The following RAP1GAP2 variants were observed in gnomAD, a reference collection of about 807,000 sequenced individuals.
RAP1GAP2 encodes RAP1 GTPase activating protein 2.
A neutral mutation model predicts 95.0 loss-of-function variants in RAP1GAP2; 27 were observed. The observed-to-expected ratio is 0.28, with a 90% CI of 0.21 to 0.39. The LOEUF (loss-of-function observed/expected upper bound fraction) is 0.39. Among genes scored for constraint, RAP1GAP2 ranks in the 10% least tolerant of loss-of-function variants. The pLI, the probability that RAP1GAP2 is intolerant of heterozygous loss-of-function variation, is 1.00. For missense variants in RAP1GAP2, 771 were observed against 970.0 expected (o/e 0.79, Z 2.72); for synonymous variants, 373 against 380.9 (o/e 0.98, Z 0.24).
intron 2 of RAP1GAP2, among the ~76,000 whole-genome samples, chr17:2,810,513 C>T (rs1289705540): frequency 1.3e-4 from 19 of 147,522 alleles, no homozygotes; most frequent in African/African-American, 4.5e-4. Context: ...CCTCCCCTGT[C>T]CCCCCACCCT....
At chr17:2,861,435 C>T (rs1405770300) in intron 2 of RAP1GAP2, among the ~76,000 whole-genome samples, 1 of 150,750 alleles carries the variant, frequency 6.6e-6, no homozygotes, top group Non-Finnish European at 1.5e-5. Flanking sequence ...GGCCTCCTGG[C>T]TCCCCTAAGT....
intron 2 of RAP1GAP2, among the ~76,000 whole-genome samples, chr17:2,812,007 G>A (rs984648118): frequency 2.0e-5 from 3 of 152,184 alleles, no homozygotes; most frequent in African/African-American, 2.4e-5. Flanking sequence ...GAGTCACTGC[G>A]CCTGGCCGGA....
intron 1 of RAP1GAP2, among the ~76,000 whole-genome samples, chr17:2,767,359 TAA>T (rs397857982): frequency 0.1 from 5,524 of 53,304 alleles, 159 homozygotes; most frequent in Admixed American, 0.13. Flanking sequence ...GAGACTCTGT[TAA>T]AAAAAAAAAA....
intron 8 of RAP1GAP2, among the ~76,000 whole-genome samples, chr17:2,970,285 A>AT (rs1184095859): frequency 1.6e-4 from 24 of 148,526 alleles, no homozygotes; most frequent in African/African-American, 6.1e-4. Flanking sequence ...AAAAAAAAAA[A>AT]AAAAAAAAAA....
At chr17:2,995,499 G>A (rs2045918655) in intron 13 of RAP1GAP2, 33 bp downstream of exon 13, 8 of 1,611,756 alleles carry the variant, frequency 5.0e-6, no homozygotes, top group Non-Finnish European at 6.8e-6. Flanking sequence ...TGGGAGCCCA[G>A]GGCGGGCGAG....
intron 1 of RAP1GAP2, among the ~76,000 whole-genome samples, chr17:2,758,550 G>T (rs2071190843): frequency 6.6e-6 from 1 of 152,098 alleles, no homozygotes; most frequent in Non-Finnish European, 1.5e-5. Context: ...TTCTGAGAAG[G>T]TCCTGAAGAT....
At position 2,867,644 on chromosome 17, in the gene RAP1GAP2, A is replaced by G. The variant is rs75876704; in HGVS notation, c.81-37640A>G. Among the ~76,000 whole-genome samples the G allele has an allele frequency of 0.12, 18,190 of 152,152 alleles. 1,928 individuals are homozygous for G. The highest frequency in any genetic ancestry group is 0.58 in the East Asian group (2,972 of 5,164). On this transcript the variant is annotated intron_variant, in intron 2 of 24. Coordinates refer to ENST00000254695, the MANE Select transcript of RAP1GAP2 (RefSeq NM_015085.5). This position sits in a 1 kb window ranked among gnomAD's most constrained non-coding sequence, Gnocchi z 4.5. ...TTCATGAAGTCTAGGTCTTACGCCCACCGCTGGTTCCCGGGATGCAGGGAC... is the reference window on the plus strand; with the variant it reads ...TTCATGAAGTCTAGGTCTTACGCCCGCCGCTGGTTCCCGGGATGCAGGGAC...
intron 2 of RAP1GAP2, among the ~76,000 whole-genome samples, chr17:2,821,394 G>C (rs1357793410): frequency 5.5e-5 from 2 of 36,092 alleles, no homozygotes; most frequent in African/African-American, 2.0e-4. Context: ...TTTTTTTTTT[G>C]AGACGGAGTC....
chr17:2,905,748 C>G (rs998372329), intron 3 of RAP1GAP2, among the ~76,000 whole-genome samples: 4 of 152,222 alleles, frequency 2.6e-5, no homozygotes, highest in African/African-American at 9.6e-5. Context: ...GCATGCTGGT[C>G]TGCCGGCCTC....
At position 2,902,711 on chromosome 17, in the gene RAP1GAP2, T is replaced by C. The variant is rs1302295364; in HGVS notation, c.81-2573T>C. Among the ~76,000 whole-genome samples, 2 of 152,138 alleles carry C rather than the reference T, an allele frequency of 1.3e-5. No homozygotes were observed. The highest frequency in any genetic ancestry group is 2.9e-5 in the Non-Finnish European group (2 of 68,020). The stretch of plus-strand genomic sequence containing the variant: ...GTCAGAAGCTGCCATGTGCTCCGAC[T>C]TGAGAGTCTGCCTCGCTTCCTAGAG... On this transcript the variant is annotated intron_variant, in intron 2 of 24. Transcript: ENST00000254695. This position sits in a 1 kb window ranked among gnomAD's most constrained non-coding sequence, Gnocchi z 4.1.
intron 3 of RAP1GAP2, among the ~76,000 whole-genome samples, chr17:2,946,252 T>C (rs28501541): frequency 0.051 from 7,752 of 152,262 alleles, 421 homozygotes; most frequent in African/African-American, 0.14. Flanking sequence ...TTTCTGTGGT[T>C]CCTTTGTGTC....
intron 2 of RAP1GAP2, among the ~76,000 whole-genome samples, chr17:2,876,886 C>CTTT (rs34517318): frequency 2.5e-4 from 32 of 127,510 alleles, no homozygotes; most frequent in African/African-American, 8.1e-4. Context: ...GGTTTACGTT[C>CTTT]TTTTTTTTTT....
At chr17:2,759,141 T>G (rs2071201389) in intron 1 of RAP1GAP2, among the ~76,000 whole-genome samples, 1 of 152,016 alleles carries the variant, frequency 6.6e-6, no homozygotes, top group African/African-American at 2.4e-5. Flanking sequence ...TGCCCAGCCT[T>G]GAGTCATCAT....
At chr17:2,823,227 C>G (rs1235581068) in intron 2 of RAP1GAP2, among the ~76,000 whole-genome samples, 1 of 152,058 alleles carries the variant, frequency 6.6e-6, no homozygotes, top group Admixed American at 6.6e-5. Flanking sequence ...CCCTATCGGC[C>G]AGGGAGTCAA....
chr17:2,929,217 A>G (rs749495915), intron 3 of RAP1GAP2, among the ~76,000 whole-genome samples: 3 of 152,182 alleles, frequency 2.0e-5, no homozygotes, highest in Non-Finnish European at 4.4e-5. Context: ...TGGGCGACAG[A>G]GTGAGACTCC....
exon 1 of RAP1GAP2, chr17:2,777,212 G>A (rs551273868): frequency 5.9e-5 from 9 of 152,482 alleles, no homozygotes; most frequent in African/African-American, 2.2e-4. Context: ...GGGTGTGTGT[G>A]CGTGCGTGAG....
At chr17:2,983,072 C>T (rs139615093) in intron 10 of RAP1GAP2, among the ~76,000 whole-genome samples, 41 of 152,322 alleles carry the variant, frequency 2.7e-4, no homozygotes, top group African/African-American at 9.4e-4. Flanking sequence ...GGGGGAGCTG[C>T]GAAGCGTCCG....
At chr17:2,997,947 A>G (rs2046021912) in intron 13 of RAP1GAP2, among the ~76,000 whole-genome samples, 1 of 151,928 alleles carries the variant, frequency 6.6e-6, no homozygotes, top group African/African-American at 2.4e-5. Flanking sequence ...AAGAAAAAAA[A>G]AAGATTGAAA....
intron 2 of RAP1GAP2, among the ~76,000 whole-genome samples, chr17:2,879,666 C>T (rs1462586975): frequency 6.6e-6 from 1 of 150,708 alleles, no homozygotes; most frequent in African/African-American, 2.4e-5. Flanking sequence ...GCAGAGGTTG[C>T]AGTGAGCTGA....
Sources: gnomAD v4.1 joint callset for allele counts (sites outside exome capture counted in the v4.1 genomes callset) on GRCh38, gnomAD v4.1.1 for gene constraint, Gnocchi (gnomAD v3.1) non-coding constraint, MANE v1.5 for transcripts, NCBI Gene and HGNC (gene_info 2026-07-23, HGNC 2026-07-21) for gene names.